Variants in CYP27A1 observed in about 807,000 individuals in gnomAD.
The protein encoded by CYP27A1 is sterol 26-hydroxylase, mitochondrial.
CYP27A1 carries 46 observed loss-of-function variants against 58.2 expected under a neutral mutation model. The ratio of observed to expected loss-of-function variants is 0.79; its 90% confidence interval spans 0.62 to 1.01. CYP27A1 has a LOEUF of 1.01. CYP27A1 is among the 50% of genes least tolerant of loss of function. The pLI is 0.00. For missense variants in CYP27A1, 704 were observed against 687.0 expected, an observed-to-expected ratio of 1.02 and a Z score of -0.28; for synonymous variants, 274 against 285.1, an observed-to-expected ratio of 0.96 and a Z score of 0.39.
chr2:218,805,869 T>C (rs1407422848), intron 1 of CYP27A1: 3 of 152,140 alleles, frequency 2.0e-5, no homozygotes, highest in Non-Finnish European at 2.9e-5. Flanking sequence ...ACTTCTTACA[T>C]AAGTAGATCC....
intron 1 of CYP27A1, among the ~76,000 whole-genome samples, chr2:218,793,717 C>CT (rs1221205899): frequency 0.027 from 3,791 of 140,704 alleles, 175 homozygotes; most frequent in African/African-American, 0.085. Context: ...GTTTCTCTTT[C>CT]TTTTTTTTTT....
chr2:218,813,040 A>T lies in CYP27A1; in HGVS notation c.961A>T (p.Ser321Cys). 3.1e-6 allele frequency: 5 copies of T among 1,614,138 alleles called. No homozygotes were observed. The highest frequency in any genetic ancestry group is 1.3e-5 in the African/African-American group (1 of 75,036). Residue 321 changes from serine to cysteine, a missense_variant, in exon 5 of 9, where the codon AGT (serine) becomes TGT (cysteine). Transcript: ENST00000258415. ...LHFLLASGQL[S>C]PREAMGSLPE... ...CTTCTTACTGGCCAGTGGACAGCTC[A>T]GTCCTCGGGAGGCCATGGGCAGCCT...
At chr2:218,784,396 CTGT>C (rs1943423660) in intron 1 of CYP27A1, among the ~76,000 whole-genome samples, 1 of 152,192 alleles carries the variant, frequency 6.6e-6, no homozygotes, top group Non-Finnish European at 1.5e-5. Flanking sequence ...TTCTTTACCT[CTGT>C]TGTTTTGAAA....
chr2:218,782,581 CAGT>C lies in CYP27A1; in HGVS notation c.255+147_255+149del. 1 of 1,064,924 alleles carries C rather than the reference CAGT, an allele frequency of 9.4e-7. No homozygotes were observed. Among genetic ancestry groups the C allele is most frequent in the Non-Finnish European group, 1.4e-6 (1 of 711,014 alleles). The allele number at this position is 1,064,924 out of a possible 1,614,324, so 66.0% of individuals were successfully genotyped here. The stretch of plus-strand genomic sequence containing the variant: ...GAGGCTATGGTCATAAACTGGAAAT[CAGT>C]AGGGAGAATGGGCAAAGTGCAGACA... On this transcript the variant is annotated intron_variant, in intron 1 of 8. Coordinates refer to ENST00000258415, the MANE Select transcript of CYP27A1 (RefSeq NM_000784.4). This position sits in a 1 kb window ranked among gnomAD's most constrained non-coding sequence, Gnocchi z 4.1.
intron 1 of CYP27A1, among the ~76,000 whole-genome samples, chr2:218,790,526 T>A (rs994436978): frequency 3.3e-4 from 51 of 152,302 alleles, no homozygotes; most frequent in African/African-American, 1.2e-3. Flanking sequence ...AAATACCAGA[T>A]GTGATGGAAG....
At chr2:218,809,477 TGC>T in intron 1 of CYP27A1, 98 bp from the exon 2 acceptor site, 4 of 703,540 alleles carry the variant, frequency 5.7e-6, no homozygotes, top group African/African-American at 2.0e-5. Flanking sequence ...CCAGCTCATT[TGC>T]TCTTGTGTAG....
intron 1 of CYP27A1, among the ~76,000 whole-genome samples, chr2:218,797,882 C>A (rs1183831364): frequency 6.6e-6 from 1 of 152,198 alleles, no homozygotes; most frequent in Non-Finnish European, 1.5e-5. Context: ...TATGTTCACA[C>A]ACAGAATTTT....
intron 1 of CYP27A1, among the ~76,000 whole-genome samples, chr2:218,807,859 C>T (rs910732022): frequency 1.3e-5 from 2 of 152,004 alleles, no homozygotes; most frequent in Non-Finnish European, 2.9e-5. Context: ...ATCCTCCAGC[C>T]TTGGCCTCCC....
At chr2:218,784,971 G>A (rs1280738894) in intron 1 of CYP27A1, among the ~76,000 whole-genome samples, 2 of 152,134 alleles carry the variant, frequency 1.3e-5, no homozygotes, top group South Asian at 2.1e-4. Flanking sequence ...GGTGGGGATG[G>A]TTTTGGGATG....
At chr2:218,788,536 G>C (rs1449810250) in intron 1 of CYP27A1, among the ~76,000 whole-genome samples, 1 of 152,162 alleles carries the variant, frequency 6.6e-6, no homozygotes, top group African/African-American at 2.4e-5. Context: ...CTTTTCCTAG[G>C]ATTCAGGTAC....
intron 1 of CYP27A1, among the ~76,000 whole-genome samples, chr2:218,794,276 G>A (rs1425339242): frequency 6.6e-6 from 1 of 152,176 alleles, no homozygotes; most frequent in Non-Finnish European, 1.5e-5. Context: ...ACTGCCATTA[G>A]AATAAGGATT....
At chr2:218,783,577 G>T (rs2106479611) in intron 1 of CYP27A1, among the ~76,000 whole-genome samples, 1 of 152,360 alleles carries the variant, frequency 6.6e-6, no homozygotes, top group South Asian at 2.1e-4. Flanking sequence ...GTGAGATGAG[G>T]CTTCTGCCCT....
In CYP27A1 at chr2:218,782,177, C is replaced by A. The variant is rs199891090; in HGVS notation, c.-6C>A. ...ACCCAAAGGTGCAGGCGCGCGAGCA[C>A]AACCCATGGCTGCGCTGGGCTGCGC... On this transcript the variant is annotated 5_prime_UTR_variant, in exon 1 of 9. Coordinates refer to ENST00000258415, the MANE Select transcript of CYP27A1 (RefSeq NM_000784.4). The surrounding 1 kb of genome is among the most constrained non-coding windows in gnomAD (Gnocchi z 4.1). 6 of 1,535,340 alleles carry A rather than the reference C, an allele frequency of 3.9e-6. No individual in the cohort carries two copies. Among genetic ancestry groups the A allele is most frequent in the Non-Finnish European group, 5.2e-6 (6 of 1,146,014 alleles).
Position 218,814,728 on chromosome 2 carries a change from G to T in CYP27A1, c.1447G>T (p.Glu483Ter). 6.2e-7 allele frequency: 1 copy of T among 1,614,196 alleles called. No individual in the cohort carries two copies. The highest frequency in any genetic ancestry group is 1.1e-5 in the South Asian group (1 of 91,076). Residue 483 changes from glutamate to a stop codon, truncating the protein, a stop_gained, in exon 8 of 9, where the codon GAG becomes TAG. Transcript: ENST00000258415. LOFTEE classifies it high-confidence loss of function. The part of the protein sequence containing the change: ...VRACLGRRIA[E>*]LEMQLLLARL... Reference sequence around the variant, plus strand: ...GGCCTGCCTGGGCCGCAGGATTGCAGAGCTGGAGATGCAGCTACTCCTCGC... The same window carrying T: ...GGCCTGCCTGGGCCGCAGGATTGCATAGCTGGAGATGCAGCTACTCCTCGC...
intron 1 of CYP27A1, among the ~76,000 whole-genome samples, chr2:218,799,249 A>G (rs1221608278): frequency 1.3e-5 from 2 of 151,898 alleles, no homozygotes; most frequent in African/African-American, 4.8e-5. Flanking sequence ...CTAAGCCCTT[A>G]TCTAGACGCC....
At chr2:218,787,589 A>G (rs1192608847) in intron 1 of CYP27A1, among the ~76,000 whole-genome samples, 1 of 152,208 alleles carries the variant, frequency 6.6e-6, no homozygotes, top group Non-Finnish European at 1.5e-5. Flanking sequence ...AACAGTGTTG[A>G]CAGGTGGGAC....
Position 218,782,147 on chromosome 2 carries a change from A to C in CYP27A1, c.-36A>C. 3.3e-6 allele frequency: 5 copies of C among 1,532,364 alleles called. No homozygotes were observed. Among genetic ancestry groups the C allele is most frequent in the African/African-American group, 1.4e-5 (1 of 72,714 alleles). 94.9% of individuals were successfully genotyped at this position (1,532,364 alleles called of 1,614,324 possible). A position where few individuals can be genotyped will look rare whatever the true frequency, so the allele number is the denominator to read the frequency against. ...GTCTGGGCGGGTCCGGGGACTCAGC[A>C]CTCGACCCAAAGGTGCAGGCGCGCG... On this transcript the variant is annotated 5_prime_UTR_variant, in exon 1 of 9. Coordinates refer to ENST00000258415, the MANE Select transcript of CYP27A1 (RefSeq NM_000784.4). This position sits in a 1 kb window ranked among gnomAD's most constrained non-coding sequence, Gnocchi z 4.1.
chr2:218,797,233 G>A (rs1943556026), intron 1 of CYP27A1, among the ~76,000 whole-genome samples: 1 of 151,974 alleles, frequency 6.6e-6, no homozygotes, highest in Non-Finnish European at 1.5e-5. Flanking sequence ...CTGAGTAGCT[G>A]GGATTACAGG....
rs200553205 is a variant in CYP27A1, at chr2:218,813,096, G to A, written c.1017G>A (p.Thr339=). Residue 339 remains threonine (T), a splice_region_variant and synonymous_variant, in exon 5 of 9, where the codon ACG becomes ACA. Coordinates refer to ENST00000258415, the MANE Select transcript of CYP27A1 (RefSeq NM_000784.4). ...AGCTGCTCATGGCTGGAGTGGACAC[G>A]GTGCGTGAAGGGGGAGGGTGAGACC... is the stretch of plus-strand genomic sequence containing the variant. ...LPELLMAGVD[T]TSNTLTWALY... is the part of the protein sequence containing the mutation. 115 of 1,607,856 alleles carry A rather than the reference G, an allele frequency of 7.2e-5. No homozygotes were observed. Among genetic ancestry groups the A allele is most frequent in the East Asian group, 3.4e-4 (15 of 44,734 alleles).
Sources: gnomAD v4.1 joint callset for allele counts (sites outside exome capture counted in the v4.1 genomes callset) on GRCh38, gnomAD v4.1.1 for gene constraint, Gnocchi (gnomAD v3.1) non-coding constraint, MANE v1.5 for transcripts, NCBI Gene and HGNC (gene_info 2026-07-23, HGNC 2026-07-21) for gene names.